Variants in CLIP1 observed in about 807,000 individuals in gnomAD.
CLIP1 encodes CAP-Gly domain-containing linker protein 1.
In CLIP1, 66 loss-of-function variants were observed where a neutral mutation model predicts 161.6. That is an observed-to-expected ratio of 0.41 (90% confidence interval 0.33 to 0.50). The LOEUF (loss-of-function observed/expected upper bound fraction) is 0.50, where lower values mean the gene tolerates loss of function less well. Ranked by LOEUF, CLIP1 falls within the 20% of genes least tolerant of loss-of-function variation. The pLI is 0.27. For missense variants in CLIP1, 1,376 were observed against 1,702.0 expected, an observed-to-expected ratio of 0.81 and a Z score of 3.37; for synonymous variants, 598 against 626.2, an observed-to-expected ratio of 0.96 and a Z score of 0.67.
Position 122,352,790 on chromosome 12 carries a change from T to C in CLIP1, c.1308-4A>G. 1.2e-6 allele frequency: 2 copies of C among 1,613,030 alleles called. No homozygotes were observed. The highest frequency in any genetic ancestry group is 2.2e-5 in the South Asian group (2 of 91,066). On this transcript the variant is annotated splice_polypyrimidine_tract_variant and splice_region_variant and intron_variant, in intron 7 of 25. Transcript: ENST00000620786. ...GAACTGAAGGTCCTCAACCTTCCTG[T>C]GGAATAAAACCCAAACAAAACACTT...
intron 21 of CLIP1, among the ~76,000 whole-genome samples, chr12:122,286,907 A>C (rs1479019684): frequency 6.6e-6 from 1 of 152,156 alleles, no homozygotes; most frequent in African/African-American, 2.4e-5. Context: ...GGGAGGCAGG[A>C]GAATCGCTTG....
intron 20 of CLIP1, among the ~76,000 whole-genome samples, chr12:122,298,230 A>G (rs1055787605): frequency 1.3e-5 from 2 of 152,150 alleles, no homozygotes; most frequent in Non-Finnish European, 2.9e-5. Flanking sequence ...GCTACCAACT[A>G]AAGTTCTGTA....
chr12:122,417,263 T>C (rs1170080458), intron 1 of CLIP1, among the ~76,000 whole-genome samples: 1 of 152,082 alleles, frequency 6.6e-6, no homozygotes, highest in Non-Finnish European at 1.5e-5. Context: ...TCCATTGCAC[T>C]CCAGCCTGGG....
rs115477457 is a variant in CLIP1, at chr12:122,402,129, T to C, written c.-107+20392A>G. Among the ~76,000 whole-genome samples, 558 of 152,334 alleles carry C rather than the reference T, an allele frequency of 3.7e-3. 4 individuals carry two copies. Among genetic ancestry groups the C allele is most frequent in the African/African-American group, 0.012 (518 of 41,578 alleles). ...ATAATTCTGAATTTTCTAGTATCCA[T>C]ATTTTTAAAAATGAAAAAGAATCAT... is the stretch of plus-strand genomic sequence containing the variant. On this transcript the variant is annotated intron_variant, in intron 1 of 25. Coordinates refer to ENST00000620786, the MANE Select transcript of CLIP1 (RefSeq NM_001247997.2).
chr12:122,336,837 A>T, intron 11 of CLIP1, 89 bp from the exon 12 acceptor site: 1 of 553,510 alleles, frequency 1.8e-6, no homozygotes, highest in Non-Finnish European at 3.0e-6. Context: ...AATGTAAAAA[A>T]CTTATGAGAA....
At chr12:122,390,387 C>T (rs1166920884) in intron 1 of CLIP1, among the ~76,000 whole-genome samples, 2 of 149,406 alleles carry the variant, frequency 1.3e-5, no homozygotes, top group African/African-American at 2.5e-5. Flanking sequence ...TCTCGGCTCA[C>T]TGCAACCTCC....
intron 1 of CLIP1, among the ~76,000 whole-genome samples, chr12:122,394,503 A>AG (rs1361834367): frequency 6.6e-6 from 1 of 150,802 alleles, no homozygotes; most frequent in African/African-American, 2.4e-5. Flanking sequence ...AAAAAAAAAA[A>AG]AAAAAAAAAG....
chr12:122,312,090 T>G (rs529478790), intron 19 of CLIP1, among the ~76,000 whole-genome samples: 1 of 152,248 alleles, frequency 6.6e-6, no homozygotes, highest in African/African-American at 2.4e-5. Flanking sequence ...CTACTTTTCT[T>G]TCTACATGAC....
chr12:122,420,872 T>C (rs750356243), intron 1 of CLIP1, among the ~76,000 whole-genome samples: 2 of 151,636 alleles, frequency 1.3e-5, no homozygotes, highest in Non-Finnish European at 2.9e-5. Flanking sequence ...GAGGCCGAGA[T>C]TGCAGTGAGC....
At chr12:122,339,124 G>A (rs980057890) in intron 11 of CLIP1, among the ~76,000 whole-genome samples, 6 of 152,166 alleles carry the variant, frequency 3.9e-5, no homozygotes, top group Non-Finnish European at 8.8e-5. Context: ...ATTTAACAAG[G>A]CTAGTTAGTA....
chr12:122,387,559 TA>T, intron 1 of CLIP1, among the ~76,000 whole-genome samples: 1 of 9,506 alleles, frequency 1.1e-4, no homozygotes, highest in Middle Eastern at 0.016. Context: ...TATATATATA[TA>T]TATATATATA....
At chr12:122,414,663 A>C (rs990720000) in intron 1 of CLIP1, among the ~76,000 whole-genome samples, 1 of 151,440 alleles carries the variant, frequency 6.6e-6, no homozygotes, top group African/African-American at 2.4e-5. Flanking sequence ...ACGGGGTTTC[A>C]CCATGTTGGC....
chr12:122,406,450 T>C (rs1481154047), intron 1 of CLIP1, among the ~76,000 whole-genome samples: 1 of 152,136 alleles, frequency 6.6e-6, no homozygotes, highest in Non-Finnish European at 1.5e-5. Context: ...GCCCCTTAAT[T>C]CAAAAGGAGC....
intron 1 of CLIP1, among the ~76,000 whole-genome samples, chr12:122,409,662 G>A (rs1956454504): frequency 6.6e-6 from 1 of 151,686 alleles, no homozygotes; most frequent in South Asian, 2.1e-4. Flanking sequence ...CTCCCGAGTA[G>A]CTGGGATTAC....
At chr12:122,383,293 C>G (rs1955088187) in intron 1 of CLIP1, among the ~76,000 whole-genome samples, 1 of 152,204 alleles carries the variant, frequency 6.6e-6, no homozygotes, top group African/African-American at 2.4e-5. Flanking sequence ...TTGCACACAA[C>G]AGGGAGCTGT....
intron 1 of CLIP1, among the ~76,000 whole-genome samples, chr12:122,392,575 G>A (rs997196162): frequency 6.6e-6 from 1 of 152,016 alleles, no homozygotes; most frequent in African/African-American, 2.4e-5. Context: ...AAAGCACAGA[G>A]GGCAGTCACT....
At chr12:122,309,974 T>C (rs1951007333) in intron 19 of CLIP1, 92 bp from the exon 20 acceptor site, 1 of 1,435,492 alleles carries the variant, frequency 7.0e-7, no homozygotes, top group Non-Finnish European at 9.6e-7. Context: ...GAAGAAAATA[T>C]ATCTGGGTCA....
intron 15 of CLIP1, among the ~76,000 whole-genome samples, chr12:122,330,604 T>TTTTTTTGTTTTTTTTTTTTTTG (rs1555265535): frequency 1.4e-5 from 2 of 139,456 alleles, no homozygotes; most frequent in African/African-American, 5.5e-5. Flanking sequence ...GCAGTTTTTT[T>TTTTTTTGTTTTTTTTTTTTTTG]TTTTTTTTTT....
At chr12:122,368,717 C>G (rs1337509405) in intron 3 of CLIP1, among the ~76,000 whole-genome samples, 1 of 151,936 alleles carries the variant, frequency 6.6e-6, no homozygotes, top group Non-Finnish European at 1.5e-5. Flanking sequence ...CCGAGGCAGG[C>G]AGATCACTTG....
Sources: allele counts gnomAD v4.1 joint callset (sites outside exome capture counted in the v4.1 genomes callset), GRCh38; gene constraint gnomAD v4.1.1; transcripts MANE v1.5; gene names NCBI Gene and HGNC (gene_info 2026-07-23, HGNC 2026-07-21).